TULP4: variants seen among roughly 807,000 people sequenced by gnomAD.
TULP4 encodes the protein tubby-related protein 4.
Under a neutral mutation model 129.0 loss-of-function variants are expected in TULP4, and 16 were observed. The ratio of observed to expected loss-of-function variants is 0.12; its 90% confidence interval spans 0.08 to 0.19. The LOEUF (loss-of-function observed/expected upper bound fraction) is 0.19. Ranked by LOEUF, TULP4 falls within the 10% of genes least tolerant of loss-of-function variation. TULP4 has a pLI of 1.00. For synonymous variants in TULP4, 998 were observed against 854.0 expected (o/e 1.17, Z -2.94); for missense variants, 1,842 against 2,059.1 (o/e 0.89, Z 2.04).
intron 1 of TULP4, among the ~76,000 whole-genome samples, chr6:158,267,232 A>G (rs1290464047): frequency 6.6e-6 from 1 of 152,192 alleles, no homozygotes; most frequent in African/African-American, 2.4e-5. Context: ...TCTATAATCC[A>G]GGACAGTGCT....
intron 1 of TULP4, among the ~76,000 whole-genome samples, chr6:158,255,997 C>T (rs75544828): frequency 0.019 from 2,892 of 148,712 alleles, 86 homozygotes; most frequent in African/African-American, 0.065. Flanking sequence ...TGGTCTTTAT[C>T]GCAAGAGCAG....
At chr6:158,452,362 T>G (rs1263789467) in intron 5 of TULP4, 94 bp downstream of exon 5, 2 of 1,504,368 alleles carry the variant, frequency 1.3e-6, no homozygotes, top group Non-Finnish European at 8.9e-7. Flanking sequence ...TACTGATTCC[T>G]GTCCTCTGTG....
rs561081110 is a variant in TULP4, at chr6:158,375,174, C to T, written c.253-37891C>T. Among the ~76,000 whole-genome samples the T allele has an allele frequency of 3.3e-5, 5 of 152,232 alleles. No individual in the cohort carries two copies. In the South Asian group the frequency reaches 1.0e-3, roughly 32 times the overall value. Reference sequence around the variant, plus strand: ...AGGAGAATTGCTTGAACCCAAGAGGCAGAGGTTGCAGTGAACCGAGATCGC... The same window carrying T: ...AGGAGAATTGCTTGAACCCAAGAGGTAGAGGTTGCAGTGAACCGAGATCGC... On this transcript the variant is annotated intron_variant, in intron 1 of 13. Coordinates refer to ENST00000367097, the MANE Select transcript of TULP4 (RefSeq NM_020245.5).
upstream of TULP4, among the ~76,000 whole-genome samples, chr6:158,311,742 G>T (rs529629995): frequency 6.6e-6 from 1 of 152,308 alleles, no homozygotes; most frequent in Non-Finnish European, 1.5e-5. Flanking sequence ...TCGGAGTTCA[G>T]TCTCTTAGAA....
rs192596288 is a variant in TULP4, at chr6:158,383,310, A to G, written c.253-29755A>G. Among the ~76,000 whole-genome samples the G allele has an allele frequency of 5.6e-3, 851 of 152,284 alleles. 33 individuals are homozygous for G. The highest frequency in any genetic ancestry group is 0.051 in the Admixed American group (775 of 15,286). On this transcript the variant is annotated intron_variant, in intron 1 of 13. Coordinates refer to ENST00000367097, the MANE Select transcript of TULP4 (RefSeq NM_020245.5). ...GGGTGAGGAGAGTAATAGTTGGTAA[A>G]TGTTATGAAATCTTACATTCAGTTT...
At position 158,502,130 on chromosome 6, in the gene TULP4, C is replaced by A. The variant is rs745606459; in HGVS notation, c.2467C>A (p.Pro823Thr). 3 of 1,606,068 alleles carry A rather than the reference C, an allele frequency of 1.9e-6. No homozygotes were observed. Among genetic ancestry groups the A allele is most frequent in the South Asian group, 2.2e-5 (2 of 89,604 alleles). ...AEGDAVVFSA[P>T]QEVQVTKINP... ...GGGGGACGCAGTGGTCTTTAGTGCCCCCCAGGAGGTCCAGGTGACGAAGAT... is the reference window on the plus strand; with the variant it reads ...GGGGGACGCAGTGGTCTTTAGTGCCACCCAGGAGGTCCAGGTGACGAAGAT... Residue 823 changes from proline (P) to threonine (T), a missense_variant, in exon 13 of 14, where the codon CCC becomes ACC. Pro to Thr is a conservative substitution (Grantham distance 38). Coordinates refer to ENST00000367097, the MANE Select transcript of TULP4 (RefSeq NM_020245.5).
chr6:158,260,720 T>G (rs1458571311), intron 1 of TULP4, among the ~76,000 whole-genome samples: 1 of 151,340 alleles, frequency 6.6e-6, no homozygotes, highest in South Asian at 2.1e-4. Flanking sequence ...GAGCAGTGAG[T>G]AGAGGATGAG....
chr6:158,303,209 T>C (rs985639064), intron 1 of TULP4, among the ~76,000 whole-genome samples: 2 of 151,794 alleles, frequency 1.3e-5, no homozygotes, highest in African/African-American at 4.8e-5. Flanking sequence ...TAAAAGTAAT[T>C]GAGCAATTGA....
intron 1 of TULP4, among the ~76,000 whole-genome samples, chr6:158,286,147 C>T (rs969462297): frequency 6.6e-6 from 1 of 152,156 alleles, no homozygotes; most frequent in Non-Finnish European, 1.5e-5. Flanking sequence ...TGTTGCAATT[C>T]ATTCAATTCA....
chr6:158,375,699 G>C (rs150005608), intron 1 of TULP4, among the ~76,000 whole-genome samples: 1 of 152,170 alleles, frequency 6.6e-6, no homozygotes, highest in Non-Finnish European at 1.5e-5. Context: ...TAAAATGCAC[G>C]CTGCTTAGTT....
chr6:158,419,265 T>C (rs753193167), intron 2 of TULP4, among the ~76,000 whole-genome samples: 13 of 152,160 alleles, frequency 8.5e-5, no homozygotes, highest in Non-Finnish European at 1.8e-4. Context: ...CAGCAAGAAG[T>C]TCATGTTCTT....
rs1780490286 is a variant in TULP4, at chr6:158,502,753, C to T, written c.3090C>T (p.Pro1030=). The T allele has an allele frequency of 4.4e-6, 7 of 1,590,696 alleles. No individual in the cohort carries two copies. The highest frequency in any genetic ancestry group is 6.0e-6 in the Non-Finnish European group (7 of 1,170,220). ...GGVVTQLPAR[P]PPALYTCSQC... ...TGGTGACACAGCTCCCAGCGCGGCC[C>T]CCACCTGCCCTGTACACCTGCAGTC... The change falls in exon 13 of 14, where the codon CCC becomes CCT. Residue 1030 remains proline, a synonymous_variant. Coordinates refer to ENST00000367097, the MANE Select transcript of TULP4 (RefSeq NM_020245.5).
chr6:158,259,159 G>A (rs1778304656), intron 1 of TULP4, among the ~76,000 whole-genome samples: 3 of 152,258 alleles, frequency 2.0e-5, no homozygotes, highest in Admixed American at 2.0e-4. Flanking sequence ...GAACCCGGGA[G>A]GTAGAGGTTG....
At chr6:158,453,742 TCAAG>T (rs1779220365) in intron 5 of TULP4, among the ~76,000 whole-genome samples, 1 of 131,394 alleles carries the variant, frequency 7.6e-6, no homozygotes, top group Non-Finnish European at 1.6e-5. Flanking sequence ...TGAGCTGAGA[TCAAG>T]CCACTGCACT....
chr6:158,423,633 T>TTTGTTGTTGTTG (rs56085300), intron 2 of TULP4, among the ~76,000 whole-genome samples: 2 of 150,666 alleles, frequency 1.3e-5, no homozygotes, highest in African/African-American at 4.9e-5. Context: ...GTTTTTGTTT[T>TTTGTTGTTGTTG]TTGTTGTTGT....
At chr6:158,387,042 G>A (rs560067167) in intron 1 of TULP4, among the ~76,000 whole-genome samples, 1 of 152,244 alleles carries the variant, frequency 6.6e-6, no homozygotes, top group Admixed American at 6.5e-5. Context: ...TAAAATTGGG[G>A]GGGAAACTGC....
chr6:158,490,397 AAATAAATAAAT>A (rs1780173105), intron 9 of TULP4, among the ~76,000 whole-genome samples: 1 of 152,174 alleles, frequency 6.6e-6, no homozygotes, highest in African/African-American at 2.4e-5. Flanking sequence ...CACCTCAAAT[AAATAAATAAAT>A]AATAAATAAA....
intron 1 of TULP4, among the ~76,000 whole-genome samples, chr6:158,289,223 T>TTA (rs1477548686): frequency 2.6e-5 from 4 of 152,206 alleles, no homozygotes; most frequent in Non-Finnish European, 2.9e-5. Flanking sequence ...TGGTATTATT[T>TTA]TATCTTAAGT....
At chr6:158,442,222 C>T (rs1778912465) in intron 3 of TULP4, among the ~76,000 whole-genome samples, 2 of 152,286 alleles carry the variant, frequency 1.3e-5, no homozygotes, top group East Asian at 1.9e-4. Context: ...ATCCTTTCCT[C>T]TCAGCTCATT....
Sources: allele counts gnomAD v4.1 joint callset (sites outside exome capture counted in the v4.1 genomes callset), GRCh38; gene constraint gnomAD v4.1.1; transcripts MANE v1.5; gene names NCBI Gene and HGNC (gene_info 2026-07-23, HGNC 2026-07-21).